The following VDAC2 variants were observed in gnomAD, a reference collection of about 807,000 sequenced individuals.
The protein encoded by VDAC2 is non-selective voltage-gated ion channel VDAC2.
VDAC2 carries 6 observed loss-of-function variants against 36.6 expected under a neutral mutation model. The ratio of observed to expected loss-of-function variants is 0.16; its 90% CI spans 0.09 to 0.32. VDAC2 has a LOEUF of 0.32. Among genes scored for constraint, VDAC2 ranks in the 10% least tolerant of loss-of-function variants. VDAC2 has a pLI of 1.00. For missense variants in VDAC2, 247 were observed against 346.0 expected, an observed-to-expected ratio of 0.71 and a Z score of 2.27; for synonymous variants, 109 against 123.8, an observed-to-expected ratio of 0.88 and a Z score of 0.79.
At chr10:75,229,036 C>T (rs1355804226) in intron 8 of VDAC2, among the ~76,000 whole-genome samples, 3 of 152,210 alleles carry the variant, frequency 2.0e-5, no homozygotes, top group Non-Finnish European at 4.4e-5. Flanking sequence ...CTGGGACCTC[C>T]TCCCAAACGC....
chr10:75,214,745 C>T (rs1314823953), intron 4 of VDAC2, among the ~76,000 whole-genome samples: 1 of 152,118 alleles, frequency 6.6e-6, no homozygotes, highest in Non-Finnish European at 1.5e-5. Context: ...GGCTGGTCTC[C>T]AACTCCTGAC....
chr10:75,227,414 T>C (rs1841983758), intron 8 of VDAC2, among the ~76,000 whole-genome samples: 1 of 152,104 alleles, frequency 6.6e-6, no homozygotes, highest in Non-Finnish European at 1.5e-5. Context: ...AGTATCAGAA[T>C]TGAATTAGAG....
chr10:75,230,375 A>G (rs1262925236), intron 9 of VDAC2, among the ~76,000 whole-genome samples: 1 of 152,136 alleles, frequency 6.6e-6, no homozygotes, highest in African/African-American at 2.4e-5. Context: ...TATGTCTGAA[A>G]CTTCACATAC....
chr10:75,213,242 CT>C (rs908426374), intron 3 of VDAC2, among the ~76,000 whole-genome samples: 2 of 149,762 alleles, frequency 1.3e-5, no homozygotes, highest in African/African-American at 2.4e-5. Flanking sequence ...CCATGCCCAG[CT>C]TTTTTTTTGT....
Position 75,220,828 on chromosome 10 carries a change from G to T in VDAC2, c.442G>T (p.Ala148Ser). 2 of 1,613,464 alleles carry T rather than the reference G, an allele frequency of 1.2e-6. No homozygotes were observed. Among genetic ancestry groups the T allele is most frequent in the Non-Finnish European group, 1.7e-6 (2 of 1,179,474 alleles). Reference protein sequence around the residue: ...CDVDFDFAGPAIHGSAVFGYE... With the variant: ...CDVDFDFAGPSIHGSAVFGYE... ...TGTTGACTTTGATTTTGCTGGACCT[G>T]CAATCCATGGTTCAGCTGTCTTTGG... Residue 148 changes from alanine (A) to serine (S), a missense_variant, in exon 7 of 10, where the codon GCA becomes TCA. Physicochemically the swap from Ala to Ser is moderately conservative, Grantham distance 99 (BLOSUM62 1). Coordinates refer to ENST00000332211, the MANE Select transcript of VDAC2 (RefSeq NM_001391963.1).
intron 3 of VDAC2, 144 bp downstream of exon 3, chr10:75,212,442 TC>T (rs1841454629): frequency 1.3e-6 from 1 of 761,734 alleles, no homozygotes; most frequent in East Asian, 2.8e-5. Context: ...AGACAGGGTC[TC>T]CCTCTGTTGC....
rs532568373 is a variant in VDAC2 at position 75,221,564 on chromosome 10, C to A, written c.584+594C>A. On this transcript the variant is annotated intron_variant, in intron 7 of 9. Coordinates refer to ENST00000332211, the MANE Select transcript of VDAC2 (RefSeq NM_001391963.1). Reference sequence around the variant, plus strand: ...GCAAGGCTGGTCTGGAACTCCTGACCTCGTGATCTGCCAAAGTGCTGGGAT... The same window carrying A: ...GCAAGGCTGGTCTGGAACTCCTGACATCGTGATCTGCCAAAGTGCTGGGAT... 1.5e-4 allele frequency among the ~76,000 whole-genome samples: 23 copies of A among 152,152 alleles called. 1 individual carries two copies. The South Asian group carries it at 4.6e-3, about 30-fold the overall frequency.
chr10:75,210,307 A>T (rs2132244843), upstream of VDAC2: 1 of 152,688 alleles, frequency 6.5e-6, no homozygotes, highest in Non-Finnish European at 1.5e-5. Context: ...GCGGTCCCTC[A>T]GAAGCGCAGG....
intron 4 of VDAC2, chr10:75,218,087 TCA>T: frequency 3.5e-6 from 1 of 286,170 alleles, no homozygotes. Flanking sequence ...AGATGCTGTC[TCA>T]AAAAAAAAAA....
chr10:75,214,119 A>T, intron 4 of VDAC2, 49 bp downstream of exon 4: 1 of 1,584,902 alleles, frequency 6.3e-7, no homozygotes, highest in African/African-American at 1.3e-5. Context: ...TAATTTTTCA[A>T]CTTGTAAAAT....
chr10:75,223,741 A>T (rs1841883926), intron 8 of VDAC2, among the ~76,000 whole-genome samples: 1 of 152,142 alleles, frequency 6.6e-6, no homozygotes, highest in Admixed American at 6.5e-5. Context: ...GAGGCTAGTC[A>T]GTGGAGAGAC....
chr10:75,211,076 C>A, intron 1 of VDAC2, 58 bp from the exon 2 acceptor site: 3 of 1,487,896 alleles, frequency 2.0e-6, no homozygotes, highest in South Asian at 1.2e-5. Context: ...CCTCTCTGCC[C>A]GGGATCTCCC....
At chr10:75,211,476 T>C in intron 2 of VDAC2, 1 of 1,521,904 alleles carries the variant, frequency 6.6e-7, no homozygotes, top group African/African-American at 1.4e-5. Flanking sequence ...GATTCTGCCT[T>C]TGGAGGATCG....
intron 8 of VDAC2, among the ~76,000 whole-genome samples, chr10:75,223,401 G>C (rs1841875291): frequency 6.6e-6 from 1 of 152,170 alleles, no homozygotes; most frequent in East Asian, 1.9e-4. Context: ...AATGTAAGTG[G>C]AAGAAGCTTC....
At chr10:75,213,698 C>T (rs1018637412) in intron 3 of VDAC2, among the ~76,000 whole-genome samples, 4 of 152,068 alleles carry the variant, frequency 2.6e-5, no homozygotes, top group African/African-American at 9.7e-5. Flanking sequence ...GAGCTGAGAT[C>T]GTGCCACTGC....
intron 7 of VDAC2, among the ~76,000 whole-genome samples, 177 bp from the exon 8 acceptor site, chr10:75,222,075 C>G (rs1841829628): frequency 6.6e-6 from 1 of 152,072 alleles, no homozygotes; most frequent in Non-Finnish European, 1.5e-5. Flanking sequence ...TTTACCAATC[C>G]CTGTATGGGT....
At chr10:75,226,651 T>C (rs1370222530) in intron 8 of VDAC2, among the ~76,000 whole-genome samples, 1 of 151,918 alleles carries the variant, frequency 6.6e-6, no homozygotes, top group Non-Finnish European at 1.5e-5. Flanking sequence ...TTAGTAGAAA[T>C]GAGGTTTCAC....
rs143750954 is a variant in VDAC2, at chr10:75,222,312, T to C, written c.645T>C (p.Thr215=). ...AGAAAGTTTGTGAAGATCTTGACAC[T>C]TCAGTAAACCTTGCTTGGACATCAG... is the stretch of plus-strand genomic sequence containing the variant. ...IYQKVCEDLD[T]SVNLAWTSGT... The change falls in exon 8 of 10, where the codon ACT becomes ACC. Residue 215 remains threonine (T), a synonymous_variant. Transcript: ENST00000332211. The C allele has an allele frequency of 2.5e-6, 4 of 1,614,188 alleles. No individual in the cohort carries two copies. The highest frequency in any genetic ancestry group is 1.1e-5 in the South Asian group (1 of 91,080).
At position 75,212,252 on chromosome 10, in the gene VDAC2, T is replaced by C. The variant is rs1478567832; in HGVS notation, c.54T>C (p.Tyr18=). The part of the protein sequence containing the change: ...CARPMCIPPS[Y]ADLGKAARDI... ...CAGCAATGTGTATTCCTCCATCATA[T>C]GCTGACCTTGGCAAAGCTGCCAGAG... Residue 18 remains tyrosine (Y), a synonymous_variant, in exon 3 of 10, where the codon TAT becomes TAC. Coordinates refer to ENST00000332211, the MANE Select transcript of VDAC2 (RefSeq NM_001391963.1). 4.3e-6 allele frequency: 7 copies of C among 1,613,874 alleles called. No individual in the cohort carries two copies. Among genetic ancestry groups the C allele is most frequent in the Non-Finnish European group, 5.1e-6 (6 of 1,179,978 alleles).
Sources: allele counts gnomAD v4.1 joint callset (sites outside exome capture counted in the v4.1 genomes callset), GRCh38; gene constraint gnomAD v4.1.1; transcripts MANE v1.5; gene names NCBI Gene and HGNC (gene_info 2026-07-23, HGNC 2026-07-21).